The following CDAN1 variants were observed in gnomAD, a reference collection of about 807,000 sequenced individuals.
CDAN1 encodes codanin 1.
CDAN1 carries 107 observed loss-of-function variants against 139.8 expected under a neutral mutation model. That is an observed-to-expected ratio of 0.77 (90% CI 0.65 to 0.90). The LOEUF (loss-of-function observed/expected upper bound fraction) is 0.90. CDAN1 is among the 40% of genes least tolerant of loss of function. The pLI, the probability that CDAN1 is intolerant of heterozygous loss-of-function variation, is 0.00. For missense variants in CDAN1, 1,667 were observed against 1,575.7 expected, an observed-to-expected ratio of 1.06 and a Z score of -0.98; for synonymous variants, 776 against 660.6, an observed-to-expected ratio of 1.17 and a Z score of -2.68.
rs771401396 is a variant in CDAN1 at position 42,735,855 on chromosome 15, C to CA, written c.773+19dup. 15 of 1,613,192 alleles carry CA rather than the reference C, an allele frequency of 9.3e-6. No individual in the cohort carries two copies. On this transcript the variant is annotated intron_variant, in intron 3 of 27. Transcript: ENST00000356231. The stretch of plus-strand genomic sequence containing the variant: ...CCCACAGCGAGGAAACCGATATCCC[C>CA]AGGAGCGGCCAGGCCATACCGCTCC...
chr15:42,736,398 C>G lies in CDAN1; in HGVS notation c.473G>C (p.Ser158Thr). Residue 158 changes from serine (S) to threonine (T), a missense_variant, in exon 2 of 28, where the codon AGC becomes ACC. By Grantham distance (58) the Ser-to-Thr change is moderately conservative (BLOSUM62 1). This residue lies in a region of CDAN1 where 487 missense variants were observed against 422.2 expected (regional missense o/e 1.15). Transcript: ENST00000356231. ...AGGRRLRGSG[S>T]PSRPSLTLSD... ...CAGCGTGAGGCTGGGGCGGCTGGGGCTGCCAGAGCCCCTAAGCCTCCGGCC... is the reference window on the plus strand; with the variant it reads ...CAGCGTGAGGCTGGGGCGGCTGGGGGTGCCAGAGCCCCTAAGCCTCCGGCC... 1 of 1,612,072 alleles carries G rather than the reference C, an allele frequency of 6.2e-7. No individual in the cohort carries two copies. The highest frequency in any genetic ancestry group is 1.1e-5 in the South Asian group (1 of 91,034).
In CDAN1 at chr15:42,731,735, A is replaced by G. The variant is rs775226747; in HGVS notation, c.1624T>C (p.Leu542=). 3 of 1,614,118 alleles carry G rather than the reference A, an allele frequency of 1.9e-6. No individual in the cohort carries two copies. ...SMLGADKLGR[L]WRLQERLMAP... is the part of the protein sequence containing the mutation. ...ATAAGCCGTTCCTGTAGGCGCCACA[A>G]CCGCCCCAGCTTGTCAGCTCCCAGC... is the stretch of plus-strand genomic sequence containing the variant. The change falls in exon 11 of 28, where the codon TTG becomes CTG. Residue 542 remains leucine, a synonymous_variant. Transcript: ENST00000356231.
At chr15:42,736,191 AC>A in intron 2 of CDAN1, 110 bp downstream of exon 2, 1 of 1,571,902 alleles carries the variant, frequency 6.4e-7, no homozygotes. Flanking sequence ...CCTCACCATC[AC>A]CCCCAGCCTT....
chr15:42,734,988 G>A, intron 6 of CDAN1, 112 bp downstream of exon 6: 2 of 752,520 alleles, frequency 2.7e-6, no homozygotes, highest in Non-Finnish European at 4.8e-6. Flanking sequence ...ATAGGTAGGA[G>A]AAGGTCCAGG....
rs1218563121 is a variant in CDAN1, at chr15:42,726,166, G to A, written c.3205-6C>T. 6 of 1,613,964 alleles carry A rather than the reference G, an allele frequency of 3.7e-6. No homozygotes were observed. The highest frequency in any genetic ancestry group is 5.1e-6 in the Non-Finnish European group (6 of 1,179,978). ...TCAGCAGGTGGGCACAGGAACTGCG[G>A]TTGGGGTGGGGGGGAAAGAGAGACC... On this transcript the variant is annotated splice_polypyrimidine_tract_variant and splice_region_variant and intron_variant, in intron 24 of 27. Coordinates refer to ENST00000356231, the MANE Select transcript of CDAN1 (RefSeq NM_138477.4).
chr15:42,730,196 C>T lies in CDAN1; in HGVS notation c.2194G>A (p.Glu732Lys), dbSNP rs376914210. ...RLHRSLVLSQ[E>K]SEGKMCFLNK... ...AGGAAACACATCTTCCCCTCACTCT[C>T]CTGCGACAACACCAAGCTCCTGAAA... The change falls in exon 15 of 28, where the codon GAG becomes AAG. Residue 732 changes from glutamate (E) to lysine (K), a missense_variant. Around this residue, in one of 3 missense-constraint regions of CDAN1, gnomAD observed 936 missense variants for 844.1 expected, o/e 1.11. Coordinates refer to ENST00000356231, the MANE Select transcript of CDAN1 (RefSeq NM_138477.4). 2.5e-5 allele frequency: 40 copies of T among 1,614,078 alleles called. No homozygotes were observed. Among genetic ancestry groups the T allele is most frequent in the African/African-American group, 4.0e-5 (3 of 74,918 alleles).
Position 42,730,100 on chromosome 15 carries a change from C to G in CDAN1, c.2262+28G>C, listed in dbSNP as rs1335453216. 6 of 1,601,964 alleles carry G rather than the reference C, an allele frequency of 3.7e-6. No homozygotes were observed. In the Admixed American group the frequency reaches 5.0e-5, roughly 13 times the overall value. The stretch of plus-strand genomic sequence containing the variant: ...CCCCATCTTCAGCTGTAGAACCTCT[C>G]TCCAATCTGGACCCTCACTCTGCCC... On this transcript the variant is annotated intron_variant, in intron 15 of 27. Coordinates refer to ENST00000356231, the MANE Select transcript of CDAN1 (RefSeq NM_138477.4).
intron 27 of CDAN1, 114 bp downstream of exon 27, chr15:42,725,030 G>C: frequency 1.2e-6 from 1 of 849,184 alleles, no homozygotes; most frequent in Non-Finnish European, 2.0e-6. Flanking sequence ...GGGTGGCCCT[G>C]AAGACTCTTG....
At chr15:42,727,479 GTAA>G in intron 23 of CDAN1, 139 bp downstream of exon 23, 1 of 730,658 alleles carries the variant, frequency 1.4e-6, no homozygotes, top group Non-Finnish European at 2.2e-6. Context: ...CCCCCATTCA[GTAA>G]TGAGTGAAAC....
In CDAN1 at chr15:42,724,488, G is replaced by C. The variant is rs1164373445; in HGVS notation, c.*3C>G. 6.3e-7 allele frequency: 1 copy of C among 1,577,100 alleles called. No homozygotes were observed. Among genetic ancestry groups the C allele is most frequent in the Non-Finnish European group, 8.6e-7 (1 of 1,160,308 alleles). On this transcript the variant is annotated 3_prime_UTR_variant, in exon 28 of 28. Coordinates refer to ENST00000356231, the MANE Select transcript of CDAN1 (RefSeq NM_138477.4). ...ATGCCCAAGGCAGGGCCACTTCTCA[G>C]CCCTAGCTCTGGGCCAGCACAGTGC... is the stretch of plus-strand genomic sequence containing the variant.
At position 42,725,666 on chromosome 15, in the gene CDAN1, T is replaced by G. The variant is rs779362821; in HGVS notation, c.3273A>C (p.Ala1091=). 2.0e-5 allele frequency: 32 copies of G among 1,613,860 alleles called. No individual in the cohort carries two copies. The highest frequency in any genetic ancestry group is 3.3e-4 in the Middle Eastern group (2 of 6,078). ...GGGGCCCTAGGATAGGAATTTGATC[T>G]GCAACTGTGGAAAGAGGAAAGCCAA... ...CSVELASLLV[A]DQIPILGPPA... is the part of the protein sequence containing the mutation. The change falls in exon 26 of 28, where the codon GCA becomes GCC. Residue 1091 remains alanine (A), a synonymous_variant. Coordinates refer to ENST00000356231, the MANE Select transcript of CDAN1 (RefSeq NM_138477.4).
At chr15:42,734,677 T>G (rs566415822) in intron 6 of CDAN1, among the ~76,000 whole-genome samples, 1 of 151,524 alleles carries the variant, frequency 6.6e-6, no homozygotes, top group South Asian at 2.1e-4. Context: ...CAGGCTGCAG[T>G]GGCGTGATCT....
Position 42,725,183 on chromosome 15 carries a change from C to CTCTA in CDAN1, c.3515_3518dup (p.Glu1173AspfsTer19). 6.2e-7 allele frequency: 1 copy of CTCTA among 1,614,196 alleles called. No homozygotes were observed. Among genetic ancestry groups the CTCTA allele is most frequent in the Non-Finnish European group, 8.5e-7 (1 of 1,180,030 alleles). On this transcript the variant is annotated frameshift_variant, in exon 27 of 28. Coordinates refer to ENST00000356231, the MANE Select transcript of CDAN1 (RefSeq NM_138477.4). LOFTEE classifies it high-confidence loss of function. Reference sequence around the variant, plus strand: ...CCTGGTGGAGGCTGCCCAGGCAGGCCTCTATCTCCATCCGTCCCATCAGAC... The same window carrying CTCTA: ...CCTGGTGGAGGCTGCCCAGGCAGGCCTCTATCTATCTCCATCCGTCCCATCAGAC...
Position 42,736,575 on chromosome 15 carries a change from T to A in CDAN1, c.296A>T (p.Gln99Leu). Residue 99 changes from glutamine to leucine, a missense_variant, in exon 2 of 28, where the codon CAG becomes CTG. This residue lies in a region of CDAN1 where 487 missense variants were observed against 422.2 expected (regional missense o/e 1.15). Coordinates refer to ENST00000356231, the MANE Select transcript of CDAN1 (RefSeq NM_138477.4). ...CTGGGCCTCGGTCGGAGGGAAAAGC[T>A]GGCTGCGCGCCCCGCGGCTACCCCG... ...PPRGSRGARSQLFPPTEAQST... is the reference protein window; with the variant it reads ...PPRGSRGARSLLFPPTEAQST... The A allele has an allele frequency of 6.7e-7, 1 of 1,489,022 alleles. No homozygotes were observed. Among genetic ancestry groups the A allele is most frequent in the Non-Finnish European group, 8.9e-7 (1 of 1,121,342 alleles). 92.2% of individuals were successfully genotyped at this position (1,489,022 alleles called of 1,614,324 possible).
intron 8 of CDAN1, among the ~76,000 whole-genome samples, chr15:42,733,440 C>G (rs1454055843): frequency 6.6e-6 from 1 of 152,130 alleles, no homozygotes; most frequent in Non-Finnish European, 1.5e-5. Flanking sequence ...CCACGCCTGG[C>G]TAATTTTTGT....
At chr15:42,729,535 A>AC in intron 17 of CDAN1, 33 bp downstream of exon 17, 1 of 1,613,534 alleles carries the variant, frequency 6.2e-7, no homozygotes, top group Non-Finnish European at 8.5e-7. Flanking sequence ...GGAGGGACAG[A>AC]CCAAGGACCG....
rs1187351159 is a variant in CDAN1, at chr15:42,726,435, A to T, written c.3097-18T>A. 17 of 1,560,092 alleles carry T rather than the reference A, an allele frequency of 1.1e-5. No homozygotes were observed. The highest frequency in any genetic ancestry group is 1.4e-5 in the Non-Finnish European group (16 of 1,146,848). ...AGCACGTCCTGTGAAGAGCAGGGGGAGATATCACCTTGCGCTGGGGGCCAG... is the reference window on the plus strand; with the variant it reads ...AGCACGTCCTGTGAAGAGCAGGGGGTGATATCACCTTGCGCTGGGGGCCAG... On this transcript the variant is annotated intron_variant, in intron 23 of 27. Transcript: ENST00000356231.
Position 42,727,960 on chromosome 15 carries a change from A to C in CDAN1, c.2942T>G (p.Ile981Ser). ...EKACAWLSAN[I>S]TALIRREVKA... ...TCCCCCATCCAGGACCTTACCTGTG[A>C]TGTTGGCTGACAGCCAAGCACAGGC... Residue 981 changes from isoleucine to serine, a missense_variant, in exon 22 of 28, where the codon ATC becomes AGC. Physicochemically the swap from Ile to Ser is moderately radical, Grantham distance 142. Coordinates refer to ENST00000356231, the MANE Select transcript of CDAN1 (RefSeq NM_138477.4). 6.2e-7 allele frequency: 1 copy of C among 1,613,916 alleles called. No homozygotes were observed. Among genetic ancestry groups the C allele is most frequent in the Non-Finnish European group, 8.5e-7 (1 of 1,179,766 alleles).
In CDAN1 at chr15:42,730,692, G is replaced by A. The variant is rs2061599288; in HGVS notation, c.2080C>T (p.Pro694Ser). ...AAGGAGAGAAACTCCACCAGCCAGG[G>A]CACGGTGAGCACCGCCCGGCGGGCC... ...LQARRAVLTV[P>S]WLVEFLSFAD... Residue 694 changes from proline to serine, a missense_variant, in exon 14 of 28, where the codon CCC becomes TCC. Transcript: ENST00000356231. 1.9e-6 allele frequency: 3 copies of A among 1,613,892 alleles called. No individual in the cohort carries two copies. Among genetic ancestry groups the A allele is most frequent in the Non-Finnish European group, 2.5e-6 (3 of 1,179,904 alleles).
Sources: gnomAD v4.1 joint callset for allele counts (sites outside exome capture counted in the v4.1 genomes callset) on GRCh38, gnomAD v4.1.1 for gene constraint, gnomAD v4.1.1 regional missense constraint, MANE v1.5 for transcripts, NCBI Gene and HGNC (gene_info 2026-07-23, HGNC 2026-07-21) for gene names.